Variants in SRGAP3 observed in about 807,000 individuals in gnomAD.
SRGAP3 encodes the protein SLIT-ROBO Rho GTPase activating protein 3, also known as SLIT-ROBO Rho GTPase-activating protein 3.
SRGAP3 carries 39 observed loss-of-function variants against 121.1 expected under a neutral mutation model. That is an observed-to-expected ratio of 0.32 (90% CI 0.25 to 0.42). SRGAP3 has a LOEUF of 0.42. Ranked by LOEUF, SRGAP3 falls within the 10% of genes least tolerant of loss-of-function variation. The probability of loss-of-function intolerance (pLI) is 1.00; values close to 1 mark genes in which losing one functional copy is unlikely to be tolerated. For synonymous variants in SRGAP3, 601 were observed against 570.0 expected (o/e 1.05, Z -0.77); for missense variants, 1,213 against 1,470.6 (o/e 0.82, Z 2.86).
At chr3:9,021,357 CT>C (rs1193749912) in intron 14 of SRGAP3, among the ~76,000 whole-genome samples, 1 of 152,174 alleles carries the variant, frequency 6.6e-6, no homozygotes, top group African/African-American at 2.4e-5. Context: ...GTGGGGGACC[CT>C]CTGGGAGACA....
intron 2 of SRGAP3, among the ~76,000 whole-genome samples, chr3:9,107,320 A>C (rs1383682519): frequency 6.6e-6 from 1 of 152,220 alleles, no homozygotes; most frequent in Non-Finnish European, 1.5e-5. Context: ...GAAAAAAAGA[A>C]TTAGAGAGGA....
chr3:9,253,268 G>T (rs1348178364), upstream of SRGAP3, among the ~76,000 whole-genome samples: 2 of 152,222 alleles, frequency 1.3e-5, no homozygotes, highest in African/African-American at 4.8e-5. Context: ...GGAGGAATCA[G>T]CATAGGAATA....
chr3:9,111,184 C>T (rs1452524826), intron 2 of SRGAP3, among the ~76,000 whole-genome samples: 1 of 152,254 alleles, frequency 6.6e-6, no homozygotes, highest in East Asian at 1.9e-4. Flanking sequence ...AGACAGACAC[C>T]TACCATGAGC....
chr3:9,104,169 G>A (rs1575079306), intron 3 of SRGAP3, among the ~76,000 whole-genome samples: 5 of 152,284 alleles, frequency 3.3e-5, no homozygotes, highest in South Asian at 4.1e-4. Context: ...AGAGTGTTAC[G>A]TAATTTGTTA....
At chr3:9,100,750 G>C (rs557794736) in intron 3 of SRGAP3, among the ~76,000 whole-genome samples, 3 of 152,194 alleles carry the variant, frequency 2.0e-5, no homozygotes, top group Non-Finnish European at 4.4e-5. Flanking sequence ...CACCATCACG[G>C]GTCTTATGAG....
chr3:8,999,170 G>A (rs1942597250), intron 18 of SRGAP3, among the ~76,000 whole-genome samples: 2 of 152,204 alleles, frequency 1.3e-5, no homozygotes, highest in African/African-American at 4.8e-5. Flanking sequence ...TGAGCTACAG[G>A]AGAGGTTGAG....
intron 4 of SRGAP3, among the ~76,000 whole-genome samples, chr3:9,067,779 G>A (rs562504408): frequency 4.6e-5 from 7 of 152,110 alleles, no homozygotes; most frequent in African/African-American, 1.7e-4. Context: ...TGCGTGTCCT[G>A]CACATGTATC....
chr3:9,123,627 C>G (rs139548355), intron 2 of SRGAP3, among the ~76,000 whole-genome samples: 6,265 of 151,656 alleles, frequency 0.041, 424 homozygotes, highest in African/African-American at 0.14. Flanking sequence ...ATCTCTTGAA[C>G]CCGGGAGTTG....
At chr3:9,201,771 T>C (rs1245754605) in intron 1 of SRGAP3, among the ~76,000 whole-genome samples, 2 of 152,222 alleles carry the variant, frequency 1.3e-5, no homozygotes, top group Non-Finnish European at 2.9e-5. Context: ...ACTTGAGTGC[T>C]ACTGGAGGGA....
At chr3:9,111,103 G>A (rs1948606667) in intron 2 of SRGAP3, among the ~76,000 whole-genome samples, 1 of 152,238 alleles carries the variant, frequency 6.6e-6, no homozygotes, top group African/African-American at 2.4e-5. Context: ...GTATAGATCA[G>A]ACCCCAGGGA....
intron 4 of SRGAP3, among the ~76,000 whole-genome samples, chr3:9,075,264 T>C (rs1427004960): frequency 6.6e-6 from 1 of 151,438 alleles, no homozygotes; most frequent in Non-Finnish European, 1.5e-5. Flanking sequence ...AGAAGTGGAG[T>C]GGGATATATG....
rs746006498 is a variant in SRGAP3, at chr3:9,058,345, T to C, written c.929A>G (p.Asp310Gly). Residue 310 changes from aspartate (D) to glycine (G), a missense_variant, in exon 7 of 22, where the codon GAT becomes GGT. Asp to Gly is a moderately conservative substitution (Grantham distance 94). Coordinates refer to ENST00000383836, the MANE Select transcript of SRGAP3 (RefSeq NM_014850.4). ...GACTGTGTGCTTGTCACTTCGGGAATCCAGGTTGTCCACTGCATTCTCAAT... is the reference window on the plus strand; with the variant it reads ...GACTGTGTGCTTGTCACTTCGGGAACCCAGGTTGTCCACTGCATTCTCAAT... ...DVIENAVDNL[D>G]SRSDKHTVMD... The C allele has an allele frequency of 1.2e-6, 2 of 1,614,138 alleles. No homozygotes were observed. The highest frequency in any genetic ancestry group is 2.7e-5 in the African/African-American group (2 of 74,950).
intron 3 of SRGAP3, among the ~76,000 whole-genome samples, chr3:9,271,384 A>G (rs1003467724): frequency 6.6e-6 from 1 of 152,036 alleles, no homozygotes; most frequent in Non-Finnish European, 1.5e-5. Context: ...TGGCTAAAAC[A>G]CTCCTCAAGC....
intron 1 of SRGAP3, among the ~76,000 whole-genome samples, chr3:9,220,673 A>T (rs1952784038): frequency 6.6e-6 from 1 of 152,150 alleles, no homozygotes; most frequent in East Asian, 1.9e-4. Context: ...TTTGTCCCCA[A>T]ATCTCAGGCA....
intron 1 of SRGAP3, among the ~76,000 whole-genome samples, chr3:9,160,518 A>C (rs1437071745): frequency 6.6e-6 from 1 of 152,180 alleles, no homozygotes; most frequent in Non-Finnish European, 1.5e-5. Flanking sequence ...GTGGAAGCTG[A>C]TCCTCCAGTC....
intron 1 of SRGAP3, among the ~76,000 whole-genome samples, chr3:9,177,434 C>T (rs559304068): frequency 9.9e-5 from 15 of 152,256 alleles, no homozygotes; most frequent in South Asian, 2.1e-4. Flanking sequence ...GCGAGGAGGC[C>T]GGTGGAACTG....
chr3:9,265,777 G>A (rs1954348914), intron 3 of SRGAP3, among the ~76,000 whole-genome samples: 1 of 152,184 alleles, frequency 6.6e-6, no homozygotes, highest in Admixed American at 6.5e-5. Flanking sequence ...GTTGGTGGGA[G>A]TGTAAATTAG....
chr3:9,229,068 CAAAAA>C (rs61231273), intron 1 of SRGAP3, among the ~76,000 whole-genome samples: 3 of 74,088 alleles, frequency 4.0e-5, no homozygotes, highest in African/African-American at 1.0e-4. Flanking sequence ...GACTCCGTCT[CAAAAA>C]AAAAAAAAAA....
At chr3:9,005,825 G>A (rs1299613285) in intron 18 of SRGAP3, among the ~76,000 whole-genome samples, 2 of 152,172 alleles carry the variant, frequency 1.3e-5, no homozygotes, top group East Asian at 3.9e-4. Flanking sequence ...TTCTTTTCAA[G>A]ATGATGAAAA....
Sources: allele counts gnomAD v4.1 joint callset (sites outside exome capture counted in the v4.1 genomes callset), GRCh38; gene constraint gnomAD v4.1.1; transcripts MANE v1.5; gene names NCBI Gene and HGNC (gene_info 2026-07-23, HGNC 2026-07-21).